Variants in CADPS2 observed in about 807,000 individuals in gnomAD.
The protein encoded by CADPS2 is calcium dependent secretion activator 2.
Under a neutral mutation model 172.5 loss-of-function variants are expected in CADPS2, and 93 were observed. The observed-to-expected ratio is 0.54, with a 90% CI of 0.46 to 0.64. The LOEUF (loss-of-function observed/expected upper bound fraction) is 0.64, where lower values mean the gene tolerates loss of function less well. Among genes scored for constraint, CADPS2 ranks in the 30% least tolerant of loss-of-function variants. The pLI, the probability that CADPS2 is intolerant of heterozygous loss-of-function variation, is 0.00. For synonymous variants in CADPS2, 546 were observed against 555.2 expected, an observed-to-expected ratio of 0.98 and a Z score of 0.23; for missense variants, 1,420 against 1,565.9, an observed-to-expected ratio of 0.91 and a Z score of 1.57.
chr7:122,528,330 C>T (rs1341530689), intron 8 of CADPS2, among the ~76,000 whole-genome samples: 1 of 152,124 alleles, frequency 6.6e-6, no homozygotes, highest in African/African-American at 2.4e-5. Flanking sequence ...CAATGTCACA[C>T]ATTACAACAA....
chr7:122,679,732 T>C (rs148810009), intron 2 of CADPS2, among the ~76,000 whole-genome samples: 280 of 152,240 alleles, frequency 1.8e-3, no homozygotes, highest in African/African-American at 6.0e-3. Context: ...ATTTCTCTCT[T>C]TTGTACTCTT....
chr7:122,596,952 A>C (rs1198880471), intron 6 of CADPS2, among the ~76,000 whole-genome samples: 4 of 152,040 alleles, frequency 2.6e-5, no homozygotes, highest in Non-Finnish European at 5.9e-5. Flanking sequence ...CTGCTTCCAC[A>C]CCTGGTGGAA....
chr7:122,779,128 G>A (rs543128828), intron 1 of CADPS2, among the ~76,000 whole-genome samples: 1 of 152,284 alleles, frequency 6.6e-6, no homozygotes, highest in East Asian at 1.9e-4. Context: ...GGCCTCCCCA[G>A]CCATGTGGAA....
intron 28 of CADPS2, among the ~76,000 whole-genome samples, chr7:122,329,970 GT>G (rs1199840895): frequency 2.6e-5 from 4 of 152,156 alleles, no homozygotes; most frequent in Non-Finnish European, 4.4e-5. Context: ...CTACTTAAGT[GT>G]TTAGCTTTTT....
chr7:122,863,669 C>A (rs1018947539), intron 1 of CADPS2, among the ~76,000 whole-genome samples: 2 of 152,190 alleles, frequency 1.3e-5, no homozygotes. Flanking sequence ...GCTGTGCAGA[C>A]AAATGTAGTT....
chr7:122,878,381 G>T (rs541138940), intron 1 of CADPS2, among the ~76,000 whole-genome samples: 1 of 151,086 alleles, frequency 6.6e-6, no homozygotes, highest in South Asian at 2.1e-4. Flanking sequence ...GGCCGGGCGC[G>T]GTGGCTCACG....
intron 1 of CADPS2, among the ~76,000 whole-genome samples, chr7:122,830,290 G>T (rs1806157592): frequency 6.6e-6 from 1 of 151,956 alleles, no homozygotes; most frequent in Non-Finnish European, 1.5e-5. Context: ...TTTAAAACAA[G>T]GATTCTATTT....
chr7:122,677,408 AG>A (rs943267176), intron 2 of CADPS2, among the ~76,000 whole-genome samples: 11 of 152,174 alleles, frequency 7.2e-5, no homozygotes, highest in African/African-American at 2.7e-4. Context: ...GCTGCAGTGA[AG>A]GGCCTGAGAG....
chr7:122,430,087 T>C (rs1585948766), intron 17 of CADPS2, among the ~76,000 whole-genome samples: 1 of 152,068 alleles, frequency 6.6e-6, no homozygotes, highest in African/African-American at 2.4e-5. Flanking sequence ...TGGGAAAGCA[T>C]CTCTACCCCA....
intron 1 of CADPS2, among the ~76,000 whole-genome samples, chr7:122,805,170 A>G (rs1051059220): frequency 2.0e-5 from 3 of 151,968 alleles, no homozygotes; most frequent in African/African-American, 7.2e-5. Context: ...TATTATTATT[A>G]TTGTTATTGA....
At chr7:122,553,606 G>T (rs2064607205) in intron 8 of CADPS2, among the ~76,000 whole-genome samples, 1 of 152,016 alleles carries the variant, frequency 6.6e-6, no homozygotes, top group Admixed American at 6.6e-5. Context: ...CCTGCCCAGA[G>T]CCTAACTTTG....
At chr7:122,601,155 C>A (rs2072708002) in intron 6 of CADPS2, among the ~76,000 whole-genome samples, 1 of 151,922 alleles carries the variant, frequency 6.6e-6, no homozygotes, top group Non-Finnish European at 1.5e-5. Context: ...TTTTTCATCT[C>A]TACCATTTTG....
chr7:122,455,308 T>G (rs577921960), intron 14 of CADPS2, among the ~76,000 whole-genome samples: 1 of 152,258 alleles, frequency 6.6e-6, no homozygotes, highest in South Asian at 2.1e-4. Flanking sequence ...TGGTCTCTAC[T>G]TACATGACTC....
intron 1 of CADPS2, among the ~76,000 whole-genome samples, chr7:122,839,205 C>A (rs896735434): frequency 6.6e-6 from 1 of 152,130 alleles, no homozygotes; most frequent in Non-Finnish European, 1.5e-5. Flanking sequence ...ATAAATGGTG[C>A]TGGGAAAACT....
chr7:122,585,999 G>T (rs969752372), intron 6 of CADPS2, among the ~76,000 whole-genome samples: 1 of 151,902 alleles, frequency 6.6e-6, no homozygotes, highest in African/African-American at 2.4e-5. Flanking sequence ...ACAGCATTAT[G>T]TATAACAGTA....
intron 2 of CADPS2, among the ~76,000 whole-genome samples, chr7:122,705,495 C>A (rs1308113732): frequency 1.2e-4 from 13 of 112,656 alleles, no homozygotes; most frequent in Non-Finnish European, 1.6e-4. Flanking sequence ...TATATATTAT[C>A]TATATTATAT....
At chr7:122,491,219 G>A (rs1002112866) in intron 10 of CADPS2, 93 bp downstream of exon 10, 5 of 704,946 alleles carry the variant, frequency 7.1e-6, no homozygotes, top group African/African-American at 1.8e-5. Context: ...CCTATTCATC[G>A]AGAGGGGTTT....
At chr7:122,685,204 T>C (rs1012110045) in intron 2 of CADPS2, among the ~76,000 whole-genome samples, 1 of 152,136 alleles carries the variant, frequency 6.6e-6, no homozygotes, top group Admixed American at 6.5e-5. Context: ...ACCACTAAAG[T>C]GACATCCAAA....
chr7:122,505,154 A>C (rs1214314055), intron 9 of CADPS2, among the ~76,000 whole-genome samples: 1 of 152,188 alleles, frequency 6.6e-6, no homozygotes, highest in Non-Finnish European at 1.5e-5. Context: ...AAGAGTACAG[A>C]CTTGATGTGT....
Sources: allele counts gnomAD v4.1 joint callset (sites outside exome capture counted in the v4.1 genomes callset), GRCh38; gene constraint gnomAD v4.1.1; transcripts MANE v1.5; gene names NCBI Gene and HGNC (gene_info 2026-07-23, HGNC 2026-07-21).